The following PDCL2 variants were observed in gnomAD, a reference collection of about 807,000 sequenced individuals.
PDCL2 encodes phosducin like 2, also known as phosducin-like protein 2.
In PDCL2, 23 loss-of-function variants were observed where a neutral mutation model predicts 30.3. The ratio of observed to expected loss-of-function variants is 0.76; its 90% CI spans 0.55 to 1.08. The LOEUF is 1.08. Ranked by LOEUF, PDCL2 falls within the 50% of genes least tolerant of loss-of-function variation. The pLI is 0.00. For synonymous variants in PDCL2, 68 were observed against 86.2 expected (o/e 0.79, Z 1.17); for missense variants, 243 against 282.3 (o/e 0.86, Z 1.00).
intron 4 of PDCL2, among the ~76,000 whole-genome samples, chr4:55,564,115 T>C (rs573796225): frequency 1.3e-4 from 20 of 152,348 alleles, no homozygotes; most frequent in East Asian, 1.9e-4. Context: ...GTAAAATGTT[T>C]TGATTTCCTT....
chr4:55,559,790 T>G (rs188818238), intron 5 of PDCL2, among the ~76,000 whole-genome samples: 143 of 152,254 alleles, frequency 9.4e-4, no homozygotes, highest in Non-Finnish European at 1.6e-3. Context: ...ACACAAGATA[T>G]ACTTAAAAAG....
chr4:55,585,453 G>A (rs188397864), intron 1 of PDCL2, among the ~76,000 whole-genome samples: 2,300 of 152,084 alleles, frequency 0.015, 63 homozygotes, highest in African/African-American at 0.053. Flanking sequence ...ACTTGAACCC[G>A]GGAGGCGGAG....
chr4:55,562,924 A>AC (rs1328550292), intron 4 of PDCL2, among the ~76,000 whole-genome samples: 2 of 128,622 alleles, frequency 1.6e-5, no homozygotes, highest in African/African-American at 3.5e-5. Flanking sequence ...AAAAAAAAAA[A>AC]AAAACAGGAC....
At chr4:55,567,345 C>T (rs1033783623) in intron 4 of PDCL2, among the ~76,000 whole-genome samples, 1 of 151,944 alleles carries the variant, frequency 6.6e-6, no homozygotes, top group Non-Finnish European at 1.5e-5. Flanking sequence ...CCGGTCTGGG[C>T]GACATAACAA....
At chr4:55,565,528 C>T (rs745355816) in intron 4 of PDCL2, among the ~76,000 whole-genome samples, 10 of 152,132 alleles carry the variant, frequency 6.6e-5, no homozygotes, top group Non-Finnish European at 1.5e-4. Flanking sequence ...TGAGAACTCA[C>T]TCATTATCAC....
intron 3 of PDCL2, among the ~76,000 whole-genome samples, chr4:55,573,940 C>T (rs1039127569): frequency 2.0e-5 from 3 of 150,184 alleles, no homozygotes; most frequent in African/African-American, 7.4e-5. Context: ...TGTCACCAGG[C>T]TGGAGTGCAG....
intron 4 of PDCL2, 67 bp from the exon 5 acceptor site, chr4:55,562,679 G>T: frequency 1.9e-6 from 2 of 1,058,358 alleles, no homozygotes; most frequent in Non-Finnish European, 2.6e-6. Context: ...AATGAAATAA[G>T]TAAAATATCG....
intron 3 of PDCL2, among the ~76,000 whole-genome samples, chr4:55,577,726 C>G (rs1249817927): frequency 6.6e-6 from 1 of 152,104 alleles, no homozygotes. Flanking sequence ...TATTGATATT[C>G]TCTTTTTGAT....
In PDCL2 at chr4:55,569,842, A is replaced by G; in HGVS notation, c.238T>C (p.Trp80Arg). The G allele has an allele frequency of 3.3e-6, 5 of 1,536,892 alleles. No homozygotes were observed. The highest frequency in any genetic ancestry group is 4.4e-6 in the Non-Finnish European group (5 of 1,130,284). The change falls in exon 4 of 6, where the codon TGG (tryptophan) becomes CGG (arginine). Residue 80 changes from tryptophan to arginine, a missense_variant. Physicochemically the swap from Trp to Arg is moderately radical, Grantham distance 101. Coordinates refer to ENST00000295645, the MANE Select transcript of PDCL2 (RefSeq NM_152401.3). ...ETYRKKRLQE[W>R]KALKKKQKFG... ...TTTTGTTTTTTCTTAAGAGCTTTCCATTCCTGTAACCGCTTCTTTCTAATT... is the reference window on the plus strand; with the variant it reads ...TTTTGTTTTTTCTTAAGAGCTTTCCGTTCCTGTAACCGCTTCTTTCTAATT...
At chr4:55,560,192 G>T (rs116838617) in intron 5 of PDCL2, among the ~76,000 whole-genome samples, 11 of 145,056 alleles carry the variant, frequency 7.6e-5, no homozygotes, top group African/African-American at 1.5e-4. Flanking sequence ...AAAAAAAAGG[G>T]GGGGGGGACG....
At chr4:55,571,686 C>CAA (rs761336707) in intron 3 of PDCL2, among the ~76,000 whole-genome samples, 2 of 36,888 alleles carry the variant, frequency 5.4e-5, no homozygotes, top group Admixed American at 3.3e-4. Context: ...GACTCCATCT[C>CAA]AAAAAAAAAA....
chr4:55,562,417 A>T lies in PDCL2; in HGVS notation c.558T>A (p.Asn186Lys). Residue 186 changes from asparagine to lysine, a missense_variant, in exon 5 of 6, where the codon AAT (asparagine) becomes AAA (lysine). Physicochemically the swap from Asn to Lys is moderately conservative, Grantham distance 94. Coordinates refer to ENST00000295645, the MANE Select transcript of PDCL2 (RefSeq NM_152401.3). ...TTGTAACATTACCTTCCAGCTTGAG[A>T]TTTATCCCTCCACATTCTATAATTC... ...FIGIIECGGI[N>K]LKLEELEWKL... 7.1e-7 allele frequency: 1 copy of T among 1,412,444 alleles called. No individual in the cohort carries two copies. The allele number at this position is 1,412,444 out of a possible 1,614,324, so 87.5% of individuals were successfully genotyped here.
intron 1 of PDCL2, among the ~76,000 whole-genome samples, chr4:55,585,429 G>C (rs1732834198): frequency 6.6e-6 from 1 of 152,124 alleles, no homozygotes; most frequent in South Asian, 2.1e-4. Flanking sequence ...TCGGGAGACT[G>C]AGGCAGGAGA....
At chr4:55,586,812 A>G (rs1400943749) in intron 1 of PDCL2, among the ~76,000 whole-genome samples, 1 of 152,152 alleles carries the variant, frequency 6.6e-6, no homozygotes, top group Admixed American at 6.5e-5. Flanking sequence ...TAATTTGTCT[A>G]TATCCTTATC....
chr4:55,564,208 T>A (rs562674516), intron 4 of PDCL2, among the ~76,000 whole-genome samples: 1 of 152,334 alleles, frequency 6.6e-6, no homozygotes, highest in African/African-American at 2.4e-5. Flanking sequence ...GAAAGCTCAG[T>A]CAGTGGTACA....
intron 1 of PDCL2, 74 bp downstream of exon 1, chr4:55,592,030 G>T: frequency 6.3e-7 from 1 of 1,578,220 alleles, no homozygotes; most frequent in East Asian, 2.3e-5. Flanking sequence ...CTCCCCATTT[G>T]TGTCCCTTGG....
intron 3 of PDCL2, among the ~76,000 whole-genome samples, chr4:55,575,882 T>C (rs1206444028): frequency 6.6e-6 from 1 of 151,772 alleles, no homozygotes; most frequent in African/African-American, 2.4e-5. Flanking sequence ...AAAATAAAAA[T>C]AAAAACAAAA....
intron 2 of PDCL2, among the ~76,000 whole-genome samples, chr4:55,581,698 T>A (rs1240779053): frequency 6.6e-6 from 1 of 152,100 alleles, no homozygotes. Context: ...TATTAAATGT[T>A]TATTTGTTTT....
intron 5 of PDCL2, among the ~76,000 whole-genome samples, chr4:55,560,223 A>G (rs2110151905): frequency 6.6e-6 from 1 of 151,324 alleles, no homozygotes; most frequent in Non-Finnish European, 1.5e-5. Flanking sequence ...TAAATTCGTG[A>G]TAGTTTTTGC....
Sources: gnomAD v4.1 joint callset for allele counts (sites outside exome capture counted in the v4.1 genomes callset) on GRCh38, gnomAD v4.1.1 for gene constraint, MANE v1.5 for transcripts, NCBI Gene and HGNC (gene_info 2026-07-23, HGNC 2026-07-21) for gene names.